The following ABCC4 variants were observed in gnomAD, a reference collection of about 807,000 sequenced individuals.
The protein encoded by ABCC4 is ATP-binding cassette sub-family C member 4.
In ABCC4, 102 loss-of-function variants were observed where a neutral mutation model predicts 168.5. The ratio of observed to expected loss-of-function variants is 0.61; its 90% CI spans 0.52 to 0.71. The LOEUF is 0.71. Among genes scored for constraint, ABCC4 ranks in the 30% least tolerant of loss-of-function variants. ABCC4 has a pLI of 0.00. For synonymous variants in ABCC4, 617 were observed against 590.7 expected (o/e 1.04, Z -0.65); for missense variants, 1,402 against 1,605.8 (o/e 0.87, Z 2.17).
At chr13:95,077,632 G>A (rs576803464) in intron 21 of ABCC4, among the ~76,000 whole-genome samples, 128 of 151,500 alleles carry the variant, frequency 8.4e-4, no homozygotes, top group Admixed American at 2.0e-3. Context: ...GCCACCGTGC[G>A]TGGCCAATCT....
At chr13:95,185,143 A>G (rs898953751) in intron 11 of ABCC4, among the ~76,000 whole-genome samples, 3 of 152,240 alleles carry the variant, frequency 2.0e-5, no homozygotes, top group Non-Finnish European at 4.4e-5. Context: ...TAGCAATATC[A>G]GAAAAATAAA....
Position 95,209,475 on chromosome 13 carries a change from C to A in ABCC4, c.744G>T (p.Leu248=). ...LAGMAVLIIL[L]PLQSCFGKLF... is the part of the protein sequence containing the mutation. ...ACTTCCCAAAACAGCTTTGCAAGGG[C>A]AGGAGAATGATTAGAACTGCCATCC... Residue 248 remains leucine, a synonymous_variant, in exon 6 of 31, where the codon CTG becomes CTT. Coordinates refer to ENST00000645237, the MANE Select transcript of ABCC4 (RefSeq NM_005845.5). The A allele has an allele frequency of 6.2e-7, 1 of 1,614,164 alleles. No homozygotes were observed. Among genetic ancestry groups the A allele is most frequent in the South Asian group, 1.1e-5 (1 of 91,082 alleles).
At chr13:95,249,918 T>C (rs1308070728) in intron 1 of ABCC4, among the ~76,000 whole-genome samples, 1 of 152,094 alleles carries the variant, frequency 6.6e-6, no homozygotes, top group Non-Finnish European at 1.5e-5. Flanking sequence ...GATGCCACTG[T>C]TGAGTTAAAG....
intron 29 of ABCC4, among the ~76,000 whole-genome samples, chr13:95,041,321 A>G (rs946723125): frequency 2.6e-5 from 4 of 152,248 alleles, no homozygotes. Context: ...CCCTTTGGAG[A>G]GTCAACACAT....
At chr13:95,209,386 G>A in intron 6 of ABCC4, 48 bp downstream of exon 6, 1 of 1,584,082 alleles carries the variant, frequency 6.3e-7, no homozygotes, top group Non-Finnish European at 8.6e-7. Flanking sequence ...GAAGACTGTG[G>A]ATGTTACCAA....
intron 13 of ABCC4, among the ~76,000 whole-genome samples, chr13:95,172,572 GAA>G (rs56278771): frequency 5.6e-5 from 7 of 124,650 alleles, no homozygotes; most frequent in Admixed American, 8.0e-5. Flanking sequence ...CCTCAAAAAG[GAA>G]AAAAAAAAAA....
At chr13:95,032,724 C>A (rs557178518) in intron 30 of ABCC4, among the ~76,000 whole-genome samples, 223 of 151,266 alleles carry the variant, frequency 1.5e-3, no homozygotes, top group African/African-American at 4.9e-3. Context: ...AGTGCAGTGG[C>A]GCCATCTCAG....
At chr13:95,103,945 C>T (rs1450657887) in intron 20 of ABCC4, among the ~76,000 whole-genome samples, 2 of 152,148 alleles carry the variant, frequency 1.3e-5, no homozygotes, top group Non-Finnish European at 2.9e-5. Context: ...TATGTGCCTC[C>T]TTCTCCCCTA....
Position 95,247,017 on chromosome 13 carries a change from G to A in ABCC4, c.264C>T (p.Tyr88=). The A allele has an allele frequency of 6.2e-7, 1 of 1,612,186 alleles. No individual in the cohort carries two copies. The highest frequency in any genetic ancestry group is 8.5e-7 in the Non-Finnish European group (1 of 1,178,482). ...PSLTRAIIKC[Y]WKSYLVLGIF... ...TTCCCAAAACTAAATAAGATTTCCA[G>A]TAACACTTTATGATTGCTCTTGTTA... The change falls in exon 3 of 31, where the codon TAC becomes TAT. Residue 88 remains tyrosine, a synonymous_variant. Coordinates refer to ENST00000645237, the MANE Select transcript of ABCC4 (RefSeq NM_005845.5).
chr13:95,154,375 T>C (rs1485986365), intron 19 of ABCC4, among the ~76,000 whole-genome samples: 1 of 152,154 alleles, frequency 6.6e-6, no homozygotes, highest in East Asian at 1.9e-4. Flanking sequence ...ATAGGCAAGA[T>C]TGAGTACATG....
intron 3 of ABCC4, among the ~76,000 whole-genome samples, chr13:95,239,646 T>A (rs1301267375): frequency 6.6e-6 from 1 of 152,178 alleles, no homozygotes; most frequent in Non-Finnish European, 1.5e-5. Context: ...CAGAACTGTT[T>A]AAATCCATGA....
chr13:95,177,363 C>T (rs150437315), intron 13 of ABCC4, among the ~76,000 whole-genome samples: 2,491 of 152,128 alleles, frequency 0.016, 23 homozygotes, highest in Non-Finnish European at 0.025. Context: ...AATGGAGTAC[C>T]ATCTTTCCTA....
At position 95,251,117 on chromosome 13, in the gene ABCC4, G is replaced by A. The variant is rs184288059; in HGVS notation, c.75-3364C>T. Among the ~76,000 whole-genome samples the A allele has an allele frequency of 2.3e-3, 352 of 152,196 alleles. 2 individuals are homozygous for A. The highest frequency in any genetic ancestry group is 8.2e-3 in the African/African-American group (341 of 41,532). On this transcript the variant is annotated intron_variant, in intron 1 of 30. Coordinates refer to ENST00000645237, the MANE Select transcript of ABCC4 (RefSeq NM_005845.5). ...GTGGTTTCTTAATGTGGTATAAGAG[G>A]GAAAACACAGGTCCCAGCTCCCTGT...
At chr13:95,147,936 T>C (rs558775426) in intron 19 of ABCC4, among the ~76,000 whole-genome samples, 4 of 152,262 alleles carry the variant, frequency 2.6e-5, no homozygotes, top group South Asian at 2.1e-4. Context: ...CTAAGCCCCA[T>C]TGAAAACACA....
At chr13:95,045,501 A>G (rs982466165) in intron 27 of ABCC4, among the ~76,000 whole-genome samples, 5 of 152,198 alleles carry the variant, frequency 3.3e-5, no homozygotes, top group African/African-American at 1.2e-4. Flanking sequence ...ACAGTCTAAT[A>G]AATGTTTTGC....
chr13:95,283,120 G>A (rs1447543678), intron 1 of ABCC4, among the ~76,000 whole-genome samples: 1 of 151,430 alleles, frequency 6.6e-6, no homozygotes, highest in Non-Finnish European at 1.5e-5. Context: ...GGAGGCTGGG[G>A]CAGGAGAATC....
At chr13:95,030,787 C>A (rs1436239482) in intron 30 of ABCC4, among the ~76,000 whole-genome samples, 1 of 152,214 alleles carries the variant, frequency 6.6e-6, no homozygotes, top group Non-Finnish European at 1.5e-5. Flanking sequence ...TGGGTTAAGC[C>A]AGCTAGTCTG....
chr13:95,276,127 C>A (rs1218361376), intron 1 of ABCC4, among the ~76,000 whole-genome samples: 2 of 152,142 alleles, frequency 1.3e-5, no homozygotes, highest in Non-Finnish European at 2.9e-5. Flanking sequence ...TAAAACAAAT[C>A]TCAGGGCTGA....
At chr13:95,041,174 G>A (rs1394464792) in intron 29 of ABCC4, among the ~76,000 whole-genome samples, 1 of 152,216 alleles carries the variant, frequency 6.6e-6, no homozygotes, top group Non-Finnish European at 1.5e-5. Context: ...TGTGGCAACT[G>A]AGCAAATGAA....
Sources: allele counts gnomAD v4.1 joint callset (sites outside exome capture counted in the v4.1 genomes callset), GRCh38; gene constraint gnomAD v4.1.1; transcripts MANE v1.5; gene names NCBI Gene and HGNC (gene_info 2026-07-23, HGNC 2026-07-21).